ANK2: variants seen among roughly 807,000 people sequenced by gnomAD.
ANK2 encodes the protein ankyrin-2.
A neutral mutation model predicts 360.5 loss-of-function variants in ANK2; 83 were observed. That is an observed-to-expected ratio of 0.23 (90% CI 0.19 to 0.28). ANK2 has a LOEUF of 0.28. Among genes scored for constraint, ANK2 ranks in the 10% least tolerant of loss-of-function variants. ANK2 has a pLI of 1.00. For missense variants in ANK2, 4,201 were observed against 4,795.7 expected (o/e 0.88, Z 3.66); for synonymous variants, 1,740 against 1,759.5 (o/e 0.99, Z 0.28).
chr4:112,815,875 C>T (rs941773991), upstream of ANK2, among the ~76,000 whole-genome samples: 2 of 152,202 alleles, frequency 1.3e-5, no homozygotes, highest in Non-Finnish European at 2.9e-5. Context: ...CCTTACATGC[C>T]TTTTCATCTG....
intron 1 of ANK2, among the ~76,000 whole-genome samples, chr4:112,871,998 G>T (rs939853300): frequency 2.0e-4 from 30 of 150,132 alleles, no homozygotes; most frequent in African/African-American, 7.1e-4. Flanking sequence ...TGGTTTGCTA[G>T]TATTTTATTG....
At chr4:112,806,359 A>G in the ANK2 span, among the ~76,000 whole-genome samples, 4 of 152,284 alleles carry the variant, frequency 2.6e-5, 1 homozygote, top group Non-Finnish European at 2.9e-5. Flanking sequence ...AGTTCCATCC[A>G]TGTTGTTGCA....
At chr4:113,318,747 G>T in intron 26 of ANK2, 127 bp downstream of exon 26, 1 of 763,892 alleles carries the variant, frequency 1.3e-6, no homozygotes, top group Non-Finnish European at 2.3e-6. Context: ...GTTTAAACTT[G>T]TAAATAACAT....
intron 2 of ANK2, among the ~76,000 whole-genome samples, chr4:112,919,746 A>G (rs115471847): frequency 0.011 from 1,677 of 152,262 alleles, 28 homozygotes; most frequent in African/African-American, 0.038. Flanking sequence ...CAAATGTAGC[A>G]AAGTGTTGCC....
intron 5 of ANK2, among the ~76,000 whole-genome samples, chr4:113,236,019 T>A (rs2099375896): frequency 6.6e-6 from 1 of 152,206 alleles, no homozygotes; most frequent in Admixed American, 6.5e-5. Flanking sequence ...ATTACAGGTG[T>A]GAGCCACCGT....
the ANK2 span, among the ~76,000 whole-genome samples, chr4:112,755,516 G>A: frequency 6.6e-6 from 1 of 152,156 alleles, no homozygotes; most frequent in African/African-American, 2.4e-5. Flanking sequence ...TTGGAGTAAC[G>A]TTTTGCGGGC....
intron 2 of ANK2, among the ~76,000 whole-genome samples, chr4:113,024,680 A>ACTTCCCACTTACACTTCTACTTCCCACT (rs879564729): frequency 2.6e-4 from 40 of 152,212 alleles, no homozygotes; most frequent in Non-Finnish European, 4.0e-4. Flanking sequence ...CAATGGCATT[A>ACTTCCCACTTACACTTCTACTTCCCACT]TGCAAATTTA....
At position 112,945,575 on chromosome 4, in the gene ANK2, G is replaced by A. The variant is rs577354576; in HGVS notation, c.21+41061G>A. Among the ~76,000 whole-genome samples the A allele has an allele frequency of 4.3e-4, 66 of 152,198 alleles. No individual in the cohort carries two copies. The South Asian group carries it at 0.013, about 31-fold the overall frequency. On this transcript the variant is annotated intron_variant, in intron 2 of 30. Coordinates refer to the ANK2 transcript ENST00000503271. Reference sequence around the variant, plus strand: ...CAGTTGGAGGAACCTTGACAAAACCGAAAAGAGTCTATTAATTCCACATAA... The same window carrying A: ...CAGTTGGAGGAACCTTGACAAAACCAAAAAGAGTCTATTAATTCCACATAA...
intron 1 of ANK2, among the ~76,000 whole-genome samples, chr4:113,156,757 T>C (rs1415451897): frequency 2.7e-5 from 4 of 148,284 alleles, no homozygotes; most frequent in Non-Finnish European, 5.9e-5. Context: ...TTTTGTTTTC[T>C]TTTATAGTCA....
In ANK2 at chr4:112,974,695, G is replaced by A. The variant is rs80278061; in HGVS notation, c.21+70181G>A. Among the ~76,000 whole-genome samples, 1,276 of 152,276 alleles carry A rather than the reference G, an allele frequency of 8.4e-3. 19 individuals are homozygous for A. Among genetic ancestry groups the A allele is most frequent in the African/African-American group, 0.029 (1,185 of 41,548 alleles). ...TTCATTATTTCACTTTGTAGGAAAA[G>A]GCAATGAAGTTTAGAAAGATTAACA... is the stretch of plus-strand genomic sequence containing the variant. On this transcript the variant is annotated intron_variant, in intron 2 of 30. Coordinates refer to the ANK2 transcript ENST00000503271.
At chr4:113,160,877 G>A (rs534502764) in intron 1 of ANK2, among the ~76,000 whole-genome samples, 95 of 152,130 alleles carry the variant, frequency 6.2e-4, no homozygotes, top group African/African-American at 2.2e-3. Flanking sequence ...AAATGGACTT[G>A]GTCAAACTTG....
At chr4:113,130,174 T>C (rs1666732597) in intron 1 of ANK2, among the ~76,000 whole-genome samples, 1 of 152,152 alleles carries the variant, frequency 6.6e-6, no homozygotes, top group African/African-American at 2.4e-5. Flanking sequence ...CACTTGATTG[T>C]CTAATAATTT....
intron 1 of ANK2, among the ~76,000 whole-genome samples, chr4:113,170,270 T>C (rs1325103582): frequency 6.6e-6 from 1 of 152,198 alleles, no homozygotes; most frequent in Non-Finnish European, 1.5e-5. Flanking sequence ...TCAGTGCACG[T>C]TGGACTATAT....
intron 1 of ANK2, among the ~76,000 whole-genome samples, chr4:113,174,208 C>G (rs1317806544): frequency 6.6e-6 from 1 of 152,150 alleles, no homozygotes; most frequent in Non-Finnish European, 1.5e-5. Flanking sequence ...AAAATATTGA[C>G]TTTTAATGTA....
rs60272903 is a variant in ANK2 at position 112,829,491 on chromosome 4, C to CAAAAAAAA, written c.-40+11239_-40+11246dup. Among the ~76,000 whole-genome samples the CAAAAAAAA allele has an allele frequency of 2.6e-4, 16 of 60,722 alleles. 2 individuals carry two copies. The highest frequency in any genetic ancestry group is 4.0e-4 in the African/African-American group (5 of 12,354). 39.8% of individuals were successfully genotyped at this position (60,722 alleles called of 152,430 possible). ...GCAACATAGTATGAGCCCATCTCTA[C>CAAAAAAAA]AAAAAAAAAAAAAAAAAAAGGAAGG... On this transcript the variant is annotated intron_variant, in intron 1 of 30. Coordinates refer to the ANK2 transcript ENST00000503271.
At chr4:113,018,915 T>C (rs1246622013) in intron 2 of ANK2, among the ~76,000 whole-genome samples, 2 of 152,358 alleles carry the variant, frequency 1.3e-5, no homozygotes, top group South Asian at 4.1e-4. Flanking sequence ...TCATCTAATA[T>C]GCTTTTTATC....
chr4:112,917,616 T>C (rs2090274670), intron 2 of ANK2, among the ~76,000 whole-genome samples: 1 of 152,228 alleles, frequency 6.6e-6, no homozygotes. Context: ...TTAGATGACA[T>C]ACATATCTTG....
chr4:112,737,050 A>C, the ANK2 span, among the ~76,000 whole-genome samples: 10 of 152,108 alleles, frequency 6.6e-5, no homozygotes, highest in African/African-American at 2.2e-4. Flanking sequence ...TTGAGTTCAA[A>C]TTTGGGCTCT....
At chr4:113,232,614 C>T (rs1268197227) in intron 5 of ANK2, among the ~76,000 whole-genome samples, 1 of 152,012 alleles carries the variant, frequency 6.6e-6, no homozygotes, top group Non-Finnish European at 1.5e-5. Flanking sequence ...CAATATAATT[C>T]CTTAAAGGAA....
Sources: gnomAD v4.1 joint callset for allele counts (sites outside exome capture counted in the v4.1 genomes callset) on GRCh38, gnomAD v4.1.1 for gene constraint, MANE v1.5 for transcripts, NCBI Gene and HGNC (gene_info 2026-07-23, HGNC 2026-07-21) for gene names.